The following CACHD1 variants were observed in gnomAD, a reference collection of about 807,000 sequenced individuals.
The protein encoded by CACHD1 is cache domain containing 1, also known as VWFA and cache domain-containing protein 1.
CACHD1 carries 71 observed loss-of-function variants against 138.7 expected under a neutral mutation model. The ratio of observed to expected loss-of-function variants is 0.51; its 90% CI spans 0.42 to 0.62. The LOEUF (loss-of-function observed/expected upper bound fraction) is 0.62, where lower values mean the gene tolerates loss of function less well. Ranked by LOEUF, CACHD1 falls within the 20% of genes least tolerant of loss-of-function variation. CACHD1 has a pLI of 0.00. For missense variants in CACHD1, 1,389 were observed against 1,625.3 expected (o/e 0.85, Z 2.50); for synonymous variants, 578 against 591.5 (o/e 0.98, Z 0.33).
rs527854087 is a variant in CACHD1 at position 64,692,452 on chromosome 1, A to G, written c.*891A>G. Reference sequence around the variant, plus strand: ...TATGACTTGTTTCCACTCCTCGTACAATGCTATTCTTAGGTTTCTACGAAA... The same window carrying G: ...TATGACTTGTTTCCACTCCTCGTACGATGCTATTCTTAGGTTTCTACGAAA... On this transcript the variant is annotated 3_prime_UTR_variant, in exon 27 of 27. Coordinates refer to ENST00000651257, the MANE Select transcript of CACHD1 (RefSeq NM_020925.4). 6.6e-6 allele frequency: 1 copy of G among 152,304 alleles called. No homozygotes were observed. The highest frequency in any genetic ancestry group is 2.1e-4 in the South Asian group (1 of 4,818). 9.4% of individuals were successfully genotyped at this position (152,304 alleles called of 1,614,324 possible). A position where few individuals can be genotyped will look rare whatever the true frequency, so the allele number is the denominator to read the frequency against.
intron 26 of CACHD1, among the ~76,000 whole-genome samples, chr1:64,685,444 G>A (rs1010527428): frequency 2.6e-5 from 4 of 152,196 alleles, no homozygotes; most frequent in Non-Finnish European, 5.9e-5. Context: ...ACACTGTGGA[G>A]GTGGAGGGGG....
intron 5 of CACHD1, among the ~76,000 whole-genome samples, chr1:64,630,105 A>T (rs569267719): frequency 6.6e-6 from 1 of 152,158 alleles, no homozygotes. Context: ...ATACTTTCCT[A>T]TTTAATCCTG....
chr1:64,597,521 G>GTTTT (rs1647164030), intron 3 of CACHD1, among the ~76,000 whole-genome samples: 2 of 63,856 alleles, frequency 3.1e-5, no homozygotes, highest in African/African-American at 1.3e-4. Context: ...TTTTTTTTTT[G>GTTTT]TTGTTTTTTT....
At chr1:64,537,192 C>A (rs1570344760) in intron 1 of CACHD1, among the ~76,000 whole-genome samples, 1 of 152,160 alleles carries the variant, frequency 6.6e-6, no homozygotes, top group East Asian at 1.9e-4. Context: ...TCAGACCAGC[C>A]CTCCTATTCT....
intron 2 of CACHD1, 147 bp from the exon 3 acceptor site, chr1:64,582,007 CAG>C (rs1202774078): frequency 2.4e-6 from 2 of 836,004 alleles, no homozygotes; most frequent in East Asian, 2.7e-5. Context: ...TCAACCCACA[CAG>C]GGGAATATGA....
intron 7 of CACHD1, among the ~76,000 whole-genome samples, chr1:64,635,222 T>A (rs1035346250): frequency 1.3e-5 from 2 of 151,962 alleles, no homozygotes; most frequent in African/African-American, 4.8e-5. Context: ...ATGCTGATTG[T>A]CAGCTTTGCT....
intron 1 of CACHD1, among the ~76,000 whole-genome samples, chr1:64,536,802 G>A (rs1274900192): frequency 2.0e-5 from 3 of 152,104 alleles, no homozygotes; most frequent in African/African-American, 7.2e-5. Flanking sequence ...ATTTAATTGG[G>A]CAAAAACAGT....
chr1:64,505,247 C>G (rs1646362905), intron 1 of CACHD1, among the ~76,000 whole-genome samples: 1 of 152,146 alleles, frequency 6.6e-6, no homozygotes, highest in African/African-American at 2.4e-5. Flanking sequence ...GAACAAGATA[C>G]AGGAGGGCAG....
chr1:64,533,177 G>A (rs756502708), intron 1 of CACHD1, among the ~76,000 whole-genome samples: 11 of 152,166 alleles, frequency 7.2e-5, no homozygotes, highest in Non-Finnish European at 1.6e-4. Context: ...TCAACATGGT[G>A]AAACCCCGTC....
intron 1 of CACHD1, among the ~76,000 whole-genome samples, chr1:64,519,833 G>A (rs1384581683): frequency 6.6e-6 from 1 of 152,062 alleles, no homozygotes; most frequent in Non-Finnish European, 1.5e-5. Context: ...ACTCCTAGGT[G>A]CTTTTTTCTG....
chr1:64,619,450 G>C (rs1315850824), intron 4 of CACHD1, among the ~76,000 whole-genome samples: 1 of 152,178 alleles, frequency 6.6e-6, no homozygotes, highest in Non-Finnish European at 1.5e-5. Flanking sequence ...CTTACACGGA[G>C]GGTGATGGAG....
chr1:64,566,639 T>C (rs1358431357), intron 2 of CACHD1, among the ~76,000 whole-genome samples: 1 of 151,808 alleles, frequency 6.6e-6, no homozygotes, highest in Non-Finnish European at 1.5e-5. Context: ...GGTCTTTCGT[T>C]TTCCCCCAGC....
chr1:64,658,317 A>G (rs1470623514), intron 12 of CACHD1, among the ~76,000 whole-genome samples: 3 of 152,230 alleles, frequency 2.0e-5, no homozygotes, highest in Non-Finnish European at 4.4e-5. Flanking sequence ...TTGCAAAACC[A>G]ATTATGTATT....
At chr1:64,606,568 G>A (rs568532529) in intron 4 of CACHD1, among the ~76,000 whole-genome samples, 1 of 152,300 alleles carries the variant, frequency 6.6e-6, no homozygotes, top group East Asian at 1.9e-4. Flanking sequence ...AAGCCATCAT[G>A]TGGTGGGGTA....
intron 2 of CACHD1, among the ~76,000 whole-genome samples, chr1:64,573,895 C>A (rs535343200): frequency 6.6e-4 from 100 of 152,284 alleles, no homozygotes; most frequent in African/African-American, 2.3e-3. Context: ...GTGCCCTAAA[C>A]ATAATCAGCA....
intron 13 of CACHD1, among the ~76,000 whole-genome samples, chr1:64,663,420 G>A (rs558203022): frequency 3.3e-5 from 5 of 151,514 alleles, no homozygotes; most frequent in East Asian, 1.9e-4. Context: ...GCGTGGTGGC[G>A]GTTGCCTGTA....
chr1:64,478,946 T>C (rs1646192849), intron 1 of CACHD1, among the ~76,000 whole-genome samples: 1 of 151,304 alleles, frequency 6.6e-6, no homozygotes, highest in Non-Finnish European at 1.5e-5. Context: ...CCATAAAATA[T>C]CTTTAAATTT....
chr1:64,602,200 T>C (rs567958387), intron 3 of CACHD1, among the ~76,000 whole-genome samples: 4 of 152,356 alleles, frequency 2.6e-5, no homozygotes, highest in African/African-American at 7.2e-5. Context: ...CTGTGTCATG[T>C]ACTATAAGAG....
chr1:64,477,948 T>G (rs1387558449), intron 1 of CACHD1, among the ~76,000 whole-genome samples: 1 of 152,190 alleles, frequency 6.6e-6, no homozygotes, highest in Non-Finnish European at 1.5e-5. Context: ...CAGATTATTT[T>G]GAAGCAAATT....
Sources: gnomAD v4.1 joint callset for allele counts (sites outside exome capture counted in the v4.1 genomes callset) on GRCh38, gnomAD v4.1.1 for gene constraint, MANE v1.5 for transcripts, NCBI Gene and HGNC (gene_info 2026-07-23, HGNC 2026-07-21) for gene names.